ERC2: variants seen among roughly 807,000 people sequenced by gnomAD.
ERC2 encodes the protein ELKS/RAB6-interacting/CAST family member 2, also known as ERC protein 2.
In ERC2, 42 loss-of-function variants were observed where a neutral mutation model predicts 114.8. That is an observed-to-expected ratio of 0.37 (90% CI 0.29 to 0.47). The LOEUF is 0.47. Ranked by LOEUF, ERC2 falls within the 20% of genes least tolerant of loss-of-function variation. ERC2 has a pLI of 0.99. For missense variants in ERC2, 939 were observed against 1,150.7 expected (o/e 0.82, Z 2.66); for synonymous variants, 454 against 425.5 (o/e 1.07, Z -0.82).
chr3:55,957,878 G>A lies in ERC2; in HGVS notation c.2268-7318C>T, dbSNP rs943083736. ...GGTACCACAGAGCCTCAGAGAGGGT[G>A]TCACAGCCCTGGCTCCGGGAGACCC... On this transcript the variant is annotated intron_variant, in intron 12 of 17. Coordinates refer to ENST00000288221, the MANE Select transcript of ERC2 (RefSeq NM_015576.3). 2.6e-5 allele frequency among the ~76,000 whole-genome samples: 4 copies of A among 152,344 alleles called. No individual in the cohort carries two copies. In the East Asian group the frequency reaches 7.7e-4, roughly 29 times the overall value.
intron 3 of ERC2, among the ~76,000 whole-genome samples, chr3:56,249,272 C>T (rs2051941719): frequency 6.6e-6 from 1 of 152,110 alleles, no homozygotes; most frequent in African/African-American, 2.4e-5. Context: ...AAACATGAGG[C>T]ATGAGAGACC....
At chr3:56,264,029 T>C (rs777110968) in intron 3 of ERC2, among the ~76,000 whole-genome samples, 3 of 152,188 alleles carry the variant, frequency 2.0e-5, no homozygotes, top group Non-Finnish European at 4.4e-5. Flanking sequence ...ATACATCACA[T>C]TAACAGAATG....
At chr3:56,321,269 A>C (rs888291134) in intron 2 of ERC2, among the ~76,000 whole-genome samples, 2 of 152,216 alleles carry the variant, frequency 1.3e-5, no homozygotes, top group African/African-American at 4.8e-5. Context: ...GATAATATTA[A>C]AATTTTAAGG....
Position 55,992,104 on chromosome 3 carries a change from C to T in ERC2, c.2208G>A (p.Val736=), listed in dbSNP as rs2071109759. Reference sequence around the variant, plus strand: ...TGTCCTTGTCATTCTTCTCATTCTCCACCTCCTTGAGGATCTCCAGCAACC... The same window carrying T: ...TGTCCTTGTCATTCTTCTCATTCTCTACCTCCTTGAGGATCTCCAGCAACC... The part of the protein sequence containing the change: ...VDRLLEILKE[V]ENEKNDKDKK... The change falls in exon 11 of 18, where the codon GTG becomes GTA. Residue 736 remains valine (V), a synonymous_variant. Coordinates refer to ENST00000288221, the MANE Select transcript of ERC2 (RefSeq NM_015576.3). 1 of 1,613,814 alleles carries T rather than the reference C, an allele frequency of 6.2e-7. No homozygotes were observed. The highest frequency in any genetic ancestry group is 1.3e-5 in the African/African-American group (1 of 74,900).
At chr3:55,916,100 T>C (rs952635396) in intron 13 of ERC2, among the ~76,000 whole-genome samples, 1 of 152,126 alleles carries the variant, frequency 6.6e-6, no homozygotes, top group Admixed American at 6.6e-5. Context: ...AGAGGAGTGC[T>C]AAGTCCTTCA....
intron 2 of ERC2, among the ~76,000 whole-genome samples, chr3:56,297,567 G>T (rs73086437): frequency 0.061 from 9,253 of 152,286 alleles, 681 homozygotes; most frequent in African/African-American, 0.17. Flanking sequence ...CCCCCAGGCT[G>T]GTCAGAGAAG....
chr3:55,566,666 C>G (rs1319468688), intron 17 of ERC2, among the ~76,000 whole-genome samples: 3 of 152,048 alleles, frequency 2.0e-5, no homozygotes, highest in Non-Finnish European at 2.9e-5. Flanking sequence ...CTCAAGTGAT[C>G]CACTCGCCTC....
intron 13 of ERC2, among the ~76,000 whole-genome samples, chr3:55,911,157 C>T (rs574559733): frequency 1.5e-4 from 23 of 152,266 alleles, no homozygotes; most frequent in Non-Finnish European, 3.1e-4. Flanking sequence ...ACAGGTCTAA[C>T]AAAACCTCAA....
chr3:56,418,219 G>A (rs1329474291), intron 2 of ERC2, among the ~76,000 whole-genome samples: 1 of 150,496 alleles, frequency 6.6e-6, no homozygotes, highest in Admixed American at 6.7e-5. Flanking sequence ...GATTGCTTGA[G>A]CCCTGGAGAT....
At chr3:56,053,771 G>A (rs2075878705) in intron 7 of ERC2, among the ~76,000 whole-genome samples, 1 of 152,128 alleles carries the variant, frequency 6.6e-6, no homozygotes, top group Admixed American at 6.5e-5. Flanking sequence ...GCAATGTAAG[G>A]TGGCATCATT....
chr3:55,831,210 G>A (rs62251582), intron 14 of ERC2, among the ~76,000 whole-genome samples: 23,156 of 148,856 alleles, frequency 0.16, 2,514 homozygotes, highest in South Asian at 0.3. Flanking sequence ...TACTTAGGAG[G>A]CTAAGGTGGG....
intron 7 of ERC2, among the ~76,000 whole-genome samples, chr3:56,073,923 A>T (rs112038094): frequency 6.6e-6 from 1 of 152,118 alleles, no homozygotes; most frequent in Non-Finnish European, 1.5e-5. Flanking sequence ...AGCCACCACA[A>T]TCTTTCTTTT....
In ERC2 at chr3:55,821,962, C is replaced by A. The variant is rs150293879; in HGVS notation, c.2564+66427G>T. ...AGGTGTGTTCATGCTATGCTCCCAG[C>A]ATTCACATGGAGTTGGTTAAAAAAT... On this transcript the variant is annotated intron_variant, in intron 14 of 17. Coordinates refer to ENST00000288221, the MANE Select transcript of ERC2 (RefSeq NM_015576.3). Among the ~76,000 whole-genome samples the A allele has an allele frequency of 3.3e-3, 503 of 152,324 alleles. 4 individuals are homozygous for A. Among genetic ancestry groups the A allele is most frequent in the African/African-American group, 0.011 (476 of 41,576 alleles).
intron 6 of ERC2, among the ~76,000 whole-genome samples, chr3:56,101,803 A>C (rs148889523): frequency 1.1e-4 from 16 of 152,278 alleles, no homozygotes; most frequent in African/African-American, 3.6e-4. Context: ...TTCCAGCAAG[A>C]GGAAATTGGG....
chr3:55,687,048 C>T (rs918497838), intron 16 of ERC2, among the ~76,000 whole-genome samples: 1 of 152,164 alleles, frequency 6.6e-6, no homozygotes, highest in Admixed American at 6.5e-5. Context: ...ACGTGACAGA[C>T]AAGGGGGTCT....
At chr3:55,883,889 AAACAACAACAACAACAAC>A (rs57990581) in intron 14 of ERC2, among the ~76,000 whole-genome samples, 1 of 131,938 alleles carries the variant, frequency 7.6e-6, no homozygotes, top group Admixed American at 7.3e-5. Flanking sequence ...CTCCGTCTCA[AAACAACAACAACAACAAC>A]AACAACAACA....
chr3:55,519,504 T>C (rs2052753483), intron 17 of ERC2, among the ~76,000 whole-genome samples: 1 of 152,358 alleles, frequency 6.6e-6, no homozygotes, highest in Middle Eastern at 3.4e-3. Flanking sequence ...TACTACTTTC[T>C]TCTTCCCTTT....
At chr3:55,913,454 T>C (rs1305456508) in intron 13 of ERC2, among the ~76,000 whole-genome samples, 5 of 152,216 alleles carry the variant, frequency 3.3e-5, no homozygotes, top group Non-Finnish European at 7.3e-5. Flanking sequence ...TACATCTTTA[T>C]GGTTTAGTGC....
At chr3:56,436,522 T>C (rs575464742) in intron 1 of ERC2, among the ~76,000 whole-genome samples, 3 of 152,188 alleles carry the variant, frequency 2.0e-5, no homozygotes, top group African/African-American at 4.8e-5. Context: ...CTGTCACTAT[T>C]TTCCTTAGAG....
Sources: allele counts gnomAD v4.1 joint callset (sites outside exome capture counted in the v4.1 genomes callset), GRCh38; gene constraint gnomAD v4.1.1; transcripts MANE v1.5; gene names NCBI Gene and HGNC (gene_info 2026-07-23, HGNC 2026-07-21).